Variants in BMERB1 observed in about 807,000 individuals in gnomAD.
The protein encoded by BMERB1 is bMERB domain containing 1.
BMERB1 carries 12 observed loss-of-function variants against 23.6 expected under a neutral mutation model. That is an observed-to-expected ratio of 0.51 (90% CI 0.33 to 0.82). BMERB1 has a LOEUF of 0.82. Ranked by LOEUF, BMERB1 falls within the 40% of genes least tolerant of loss-of-function variation. The pLI is 0.03. For missense variants in BMERB1, 247 were observed against 255.4 expected, an observed-to-expected ratio of 0.97 and a Z score of 0.22; for synonymous variants, 122 against 96.6, an observed-to-expected ratio of 1.26 and a Z score of -1.54.
In BMERB1 at chr16:15,502,188, C is replaced by G. The variant is rs564763939; in HGVS notation, c.107-13117C>G. 1.6e-3 allele frequency: 1,790 copies of G among 1,135,214 alleles called. 2 individuals are homozygous for G. The highest frequency in any genetic ancestry group is 2.1e-3 in the Non-Finnish European group (1,677 of 781,828). 70.3% of individuals were successfully genotyped at this position (1,135,214 alleles called of 1,614,324 possible). A position where few individuals can be genotyped will look rare whatever the true frequency, so the allele number is the denominator to read the frequency against. ...CGTCCTCCTGAATTACTTTTGTGTCCTTTGACACGTCAGATGTGGCTGGGG... is the reference window on the plus strand; with the variant it reads ...CGTCCTCCTGAATTACTTTTGTGTCGTTTGACACGTCAGATGTGGCTGGGG... On this transcript the variant is annotated intron_variant, in intron 1 of 5. Transcript: ENST00000300006.
intron 1 of BMERB1, among the ~76,000 whole-genome samples, chr16:15,470,529 CTTTCT>C (rs1467764926): frequency 9.3e-5 from 11 of 118,434 alleles, no homozygotes; most frequent in Non-Finnish European, 2.0e-4. Flanking sequence ...TTCTTTCTTT[CTTTCT>C]TTTTTTTTTT....
At chr16:15,567,726 G>T (rs984258694) in intron 2 of BMERB1, among the ~76,000 whole-genome samples, 1 of 152,168 alleles carries the variant, frequency 6.6e-6, no homozygotes, top group African/African-American at 2.4e-5. Flanking sequence ...TCATGCCACT[G>T]CACTCCAGCC....
At chr16:15,540,499 C>T (rs1271010082) in intron 2 of BMERB1, among the ~76,000 whole-genome samples, 5 of 151,948 alleles carry the variant, frequency 3.3e-5, no homozygotes, top group Non-Finnish European at 7.4e-5. Context: ...GCACTCCAGC[C>T]TGGGTGACAG....
At chr16:15,471,273 GTTGT>G (rs148585963) in intron 1 of BMERB1, among the ~76,000 whole-genome samples, 2,393 of 152,236 alleles carry the variant, frequency 0.016, 33 homozygotes, top group Non-Finnish European at 0.024. Context: ...TTTGTCCAGC[GTTGT>G]TTGTTAAAAA....
intron 1 of BMERB1, among the ~76,000 whole-genome samples, chr16:15,512,076 C>T (rs11863588): frequency 6.9e-6 from 1 of 144,038 alleles, no homozygotes; most frequent in East Asian, 2.2e-4. Context: ...AGAGGCCATT[C>T]ATTTCAATGT....
chr16:15,481,963 T>A (rs1269201275), intron 1 of BMERB1, among the ~76,000 whole-genome samples: 1 of 151,956 alleles, frequency 6.6e-6, no homozygotes, highest in Admixed American at 6.6e-5. Context: ...ACTCCTGACC[T>A]CAAGTGATCT....
chr16:15,552,427 G>A (rs574460422), intron 2 of BMERB1, among the ~76,000 whole-genome samples: 13 of 151,602 alleles, frequency 8.6e-5, no homozygotes, highest in African/African-American at 2.7e-4. Flanking sequence ...GCGACAGAAC[G>A]AGACTCCATC....
intron 1 of BMERB1, among the ~76,000 whole-genome samples, chr16:15,514,797 A>G (rs571142046): frequency 6.9e-6 from 1 of 145,044 alleles, no homozygotes; most frequent in South Asian, 2.2e-4. Flanking sequence ...AAACAAAAAC[A>G]AGGCCGGGTG....
intron 1 of BMERB1, among the ~76,000 whole-genome samples, chr16:15,451,552 CTTTTTTTT>C (rs35544766): frequency 2.4e-5 from 2 of 84,020 alleles, no homozygotes; most frequent in African/African-American, 4.5e-5. Context: ...CTTAGTATTT[CTTTTTTTT>C]TTTTTTTTTT....
chr16:15,516,808 C>G (rs1014338322), intron 2 of BMERB1, among the ~76,000 whole-genome samples: 4 of 152,190 alleles, frequency 2.6e-5, no homozygotes, highest in Non-Finnish European at 5.9e-5. Flanking sequence ...GGTTCAGACT[C>G]AGCTCTTTCT....
intron 1 of BMERB1, among the ~76,000 whole-genome samples, chr16:15,456,201 G>GTTT (rs1303361727): frequency 6.6e-6 from 1 of 152,094 alleles, no homozygotes; most frequent in Non-Finnish European, 1.5e-5. Context: ...TCTTCTCAGT[G>GTTT]TTTTGTTGGA....
At chr16:15,555,966 G>C (rs1285094407) in intron 2 of BMERB1, among the ~76,000 whole-genome samples, 1 of 152,164 alleles carries the variant, frequency 6.6e-6, no homozygotes, top group African/African-American at 2.4e-5. Context: ...GATCACCTGA[G>C]GTCAGGAGTT....
At chr16:15,497,571 T>C (rs1421036678) in intron 1 of BMERB1, among the ~76,000 whole-genome samples, 1 of 152,240 alleles carries the variant, frequency 6.6e-6, no homozygotes, top group Non-Finnish European at 1.5e-5. Context: ...CCGTTGGGCC[T>C]CTGTCCTCCA....
intron 1 of BMERB1, among the ~76,000 whole-genome samples, chr16:15,451,203 CAG>C (rs1312469557): frequency 2.0e-5 from 3 of 152,266 alleles, no homozygotes; most frequent in African/African-American, 4.8e-5. Flanking sequence ...TTTTCTGAGA[CAG>C]AGTCTCCCTC....
At chr16:15,539,175 G>A (rs923412560) in intron 2 of BMERB1, among the ~76,000 whole-genome samples, 4 of 152,216 alleles carry the variant, frequency 2.6e-5, no homozygotes, top group African/African-American at 9.6e-5. Flanking sequence ...ATCTGTGGGC[G>A]ATGGGAGAGA....
intron 1 of BMERB1, among the ~76,000 whole-genome samples, chr16:15,459,024 C>T (rs888652268): frequency 1.4e-4 from 22 of 151,928 alleles, no homozygotes; most frequent in Non-Finnish European, 2.6e-4. Context: ...AGGAGAATTG[C>T]TTGAACCTGG....
intron 1 of BMERB1, among the ~76,000 whole-genome samples, chr16:15,466,027 C>G: frequency 6.6e-6 from 1 of 151,970 alleles, no homozygotes; most frequent in East Asian, 1.9e-4. Flanking sequence ...TCAGTATTAC[C>G]AGACATTGCT....
intron 1 of BMERB1, among the ~76,000 whole-genome samples, chr16:15,493,930 C>A (rs1884880250): frequency 6.6e-6 from 1 of 152,164 alleles, no homozygotes; most frequent in Non-Finnish European, 1.5e-5. Flanking sequence ...TTTAACCCCG[C>A]CAAGCACATG....
intron 2 of BMERB1, among the ~76,000 whole-genome samples, chr16:15,552,424 A>T (rs575200841): frequency 6.6e-6 from 1 of 152,118 alleles, no homozygotes; most frequent in African/African-American, 2.4e-5. Flanking sequence ...TGGGCGACAG[A>T]ACGAGACTCC....
Sources: gnomAD v4.1 joint callset for allele counts (sites outside exome capture counted in the v4.1 genomes callset) on GRCh38, gnomAD v4.1.1 for gene constraint, MANE v1.5 for transcripts, NCBI Gene and HGNC (gene_info 2026-07-23, HGNC 2026-07-21) for gene names.